ERG: variants seen among roughly 807,000 people sequenced by gnomAD.
ERG encodes the protein ETS transcription factor ERG.
In ERG, 9 loss-of-function variants were observed where a neutral mutation model predicts 55.3. That is an observed-to-expected ratio of 0.16 (90% CI 0.10 to 0.28). ERG has a LOEUF of 0.28. Ranked by LOEUF, ERG falls within the 10% of genes least tolerant of loss-of-function variation. The pLI, the probability that ERG is intolerant of heterozygous loss-of-function variation, is 1.00. For missense variants in ERG, 434 were observed against 631.6 expected, an observed-to-expected ratio of 0.69 and a Z score of 3.35; for synonymous variants, 223 against 237.3, an observed-to-expected ratio of 0.94 and a Z score of 0.55.
At chr21:38,585,529 CTTCTTTTTTTTT>C (rs2060057481), upstream of ERG, among the ~76,000 whole-genome samples, 1 of 22,684 alleles carries the variant, frequency 4.4e-5, no homozygotes, top group African/African-American at 1.1e-4. Flanking sequence ...CCCTCTCTCT[CTTCTTTTTTTTT>C]TTTTTTTTTT....
intron 1 of ERG, among the ~76,000 whole-genome samples, chr21:38,455,914 C>T (rs1421376825): frequency 6.7e-6 from 1 of 149,064 alleles, no homozygotes; most frequent in East Asian, 1.9e-4. Flanking sequence ...GTTCAACATG[C>T]ACGTGCCAGG....
upstream of ERG, among the ~76,000 whole-genome samples, chr21:38,589,833 A>T (rs1207622848): frequency 6.6e-6 from 1 of 152,150 alleles, no homozygotes; most frequent in African/African-American, 2.4e-5. Context: ...AGGCACATCA[A>T]ATGCATTTTC....
At chr21:38,585,571 T>G (rs1433357600), upstream of ERG, among the ~76,000 whole-genome samples, 1 of 143,670 alleles carries the variant, frequency 7.0e-6, no homozygotes, top group Non-Finnish European at 1.5e-5. Context: ...ATACAGGAAT[T>G]TCTTACACAA....
intron 2 of ERG, among the ~76,000 whole-genome samples, chr21:38,509,680 C>T (rs1289823454): frequency 3.9e-5 from 6 of 152,102 alleles, no homozygotes; most frequent in Non-Finnish European, 1.5e-5. Flanking sequence ...TCTCTGGAAA[C>T]ATCTCAGCCC....
intron 2 of ERG, among the ~76,000 whole-genome samples, chr21:38,570,955 T>C (rs767357439): frequency 1.9e-4 from 29 of 152,178 alleles, no homozygotes; most frequent in Non-Finnish European, 3.8e-4. Context: ...CTTCAGCAAA[T>C]GTTAGTAAAT....
chr21:38,463,091 T>C (rs924568898), intron 1 of ERG, among the ~76,000 whole-genome samples: 3 of 152,174 alleles, frequency 2.0e-5, no homozygotes, highest in Non-Finnish European at 4.4e-5. Flanking sequence ...GATTGGCAAG[T>C]GGCACTCCCC....
chr21:38,520,237 T>C (rs980379754), intron 2 of ERG, among the ~76,000 whole-genome samples: 1 of 152,174 alleles, frequency 6.6e-6, no homozygotes, highest in Non-Finnish European at 1.5e-5. Context: ...AGACCCTTCT[T>C]GTCCCTTGGG....
At chr21:38,518,345 A>T (rs549262190) in intron 2 of ERG, among the ~76,000 whole-genome samples, 4 of 152,094 alleles carry the variant, frequency 2.6e-5, no homozygotes, top group Non-Finnish European at 5.9e-5. Context: ...GAGGTAGGAC[A>T]ACCTGCTCTA....
chr21:38,439,015 G>A (rs1378063158), intron 2 of ERG, among the ~76,000 whole-genome samples: 2 of 152,194 alleles, frequency 1.3e-5, no homozygotes, highest in African/African-American at 4.8e-5. Flanking sequence ...TCACCACACC[G>A]GGGGAACCCT....
intron 3 of ERG, among the ~76,000 whole-genome samples, chr21:38,421,365 A>C (rs1989535034): frequency 6.6e-6 from 1 of 152,160 alleles, no homozygotes; most frequent in Non-Finnish European, 1.5e-5. Flanking sequence ...TTCACACCCC[A>C]CTGCATCGAA....
At chr21:38,616,339 C>T (rs2060258861) in intron 1 of ERG, among the ~76,000 whole-genome samples, 1 of 151,966 alleles carries the variant, frequency 6.6e-6, no homozygotes, top group Non-Finnish European at 1.5e-5. Context: ...ATTGGGATTC[C>T]TCTGTGTACG....
chr21:38,376,761 C>T (rs911964116), downstream of ERG, among the ~76,000 whole-genome samples: 8 of 152,372 alleles, frequency 5.3e-5, no homozygotes, highest in East Asian at 9.6e-4. Context: ...CCCCACTCGC[C>T]TCCACCAGGT....
intron 1 of ERG, among the ~76,000 whole-genome samples, chr21:38,655,743 G>A (rs2060515154): frequency 6.6e-6 from 1 of 152,172 alleles, no homozygotes; most frequent in African/African-American, 2.4e-5. Context: ...AAGAAGTGAA[G>A]TTTTGGGGGA....
chr21:38,417,968 A>G (rs549629279), intron 3 of ERG, among the ~76,000 whole-genome samples: 1 of 152,256 alleles, frequency 6.6e-6, no homozygotes, highest in African/African-American at 2.4e-5. Flanking sequence ...GCACATCTCC[A>G]TGTTCACAGC....
At chr21:38,517,914 T>C (rs1475660533) in intron 2 of ERG, among the ~76,000 whole-genome samples, 5 of 151,978 alleles carry the variant, frequency 3.3e-5, no homozygotes, top group South Asian at 2.1e-4. Context: ...GTTAATGTCA[T>C]GGAGATAGAG....
At chr21:38,654,248 C>A (rs1389149332) in intron 1 of ERG, among the ~76,000 whole-genome samples, 1 of 152,220 alleles carries the variant, frequency 6.6e-6, no homozygotes, top group Non-Finnish European at 1.5e-5. Flanking sequence ...AAGGACGAGG[C>A]GGGCAGATCA....
In ERG at chr21:38,380,392, G is replaced by C. The variant is rs1987370603; in HGVS notation, c.*3011C>G. 9.4e-7 allele frequency: 1 copy of C among 1,061,786 alleles called. No homozygotes were observed. The highest frequency in any genetic ancestry group is 5.4e-5 in the Admixed American group (1 of 18,628). The allele number at this position is 1,061,786 out of a possible 1,614,324, so 65.8% of individuals were successfully genotyped here. A position where few individuals can be genotyped will look rare whatever the true frequency, so the allele number is the denominator to read the frequency against. Reference sequence around the variant, plus strand: ...CTTTGTGAACCCCTCCGGGACATAAGGGCATCAAACTAGGAACAAAAACAC... The same window carrying C: ...CTTTGTGAACCCCTCCGGGACATAACGGCATCAAACTAGGAACAAAAACAC... On this transcript the variant is annotated 3_prime_UTR_variant, in exon 10 of 10. Coordinates refer to ENST00000288319, the MANE Select transcript of ERG (RefSeq NM_182918.4).
At chr21:38,639,088 G>C (rs1394037323) in intron 1 of ERG, among the ~76,000 whole-genome samples, 3 of 152,046 alleles carry the variant, frequency 2.0e-5, no homozygotes, top group Non-Finnish European at 4.4e-5. Context: ...TCTCCCCCAG[G>C]AGATGCTGAC....
chr21:38,580,021 C>T (rs934478993), intron 1 of ERG, among the ~76,000 whole-genome samples: 3 of 152,162 alleles, frequency 2.0e-5, no homozygotes, highest in African/African-American at 4.8e-5. Flanking sequence ...GGGATTTCAC[C>T]GTGTTAGCCA....
Sources: gnomAD v4.1 joint callset for allele counts (sites outside exome capture counted in the v4.1 genomes callset) on GRCh38, gnomAD v4.1.1 for gene constraint, MANE v1.5 for transcripts, NCBI Gene and HGNC (gene_info 2026-07-23, HGNC 2026-07-21) for gene names.